EXOC6: variants seen among roughly 807,000 people sequenced by gnomAD.
EXOC6 encodes the protein exocyst complex component 6.
In EXOC6, 60 loss-of-function variants were observed where a neutral mutation model predicts 112.5. That is an observed-to-expected ratio of 0.53 (90% CI 0.43 to 0.66). The LOEUF is 0.66. Ranked by LOEUF, EXOC6 falls within the 30% of genes least tolerant of loss-of-function variation. The pLI is 0.00. For missense variants in EXOC6, 855 were observed against 957.1 expected (o/e 0.89, Z 1.41); for synonymous variants, 295 against 308.0 (o/e 0.96, Z 0.44).
intron 20 of EXOC6, among the ~76,000 whole-genome samples, chr10:93,034,060 T>A (rs1845396407): frequency 6.6e-6 from 1 of 152,218 alleles, no homozygotes; most frequent in Non-Finnish European, 1.5e-5. Flanking sequence ...CTATTTCAAC[T>A]ATATATATTA....
intron 13 of EXOC6, 87 bp downstream of exon 13, chr10:92,940,911 TATA>T (rs2133974002): frequency 3.5e-6 from 3 of 863,910 alleles, no homozygotes; most frequent in Non-Finnish European, 5.5e-6. Flanking sequence ...TAAAAATGCT[TATA>T]ATCATTTTTA....
In EXOC6 at chr10:92,893,540, T is replaced by C; in HGVS notation, c.273+20T>C. 6.3e-7 allele frequency: 1 copy of C among 1,584,668 alleles called. No individual in the cohort carries two copies. The highest frequency in any genetic ancestry group is 8.6e-7 in the Non-Finnish European group (1 of 1,165,424). On this transcript the variant is annotated intron_variant, in intron 2 of 21. Coordinates refer to ENST00000260762, the MANE Select transcript of EXOC6 (RefSeq NM_019053.6). ...CTGAAGGTAAGAAATATGTTAAAAT[T>C]ATTTGCCTTTGTTCTCATTAAATTA... is the stretch of plus-strand genomic sequence containing the variant.
intron 18 of EXOC6, among the ~76,000 whole-genome samples, chr10:92,985,446 A>G (rs1457395880): frequency 1.3e-5 from 2 of 151,034 alleles, no homozygotes; most frequent in African/African-American, 2.4e-5. Flanking sequence ...TCCCACATAC[A>G]CCTTCATTTT....
chr10:92,934,856 C>T (rs528624490), intron 11 of EXOC6, among the ~76,000 whole-genome samples: 7 of 151,918 alleles, frequency 4.6e-5, no homozygotes, highest in African/African-American at 1.4e-4. Flanking sequence ...TTAAAATTTG[C>T]GATTTTCAAA....
chr10:92,992,287 C>CAAAAAA (rs35924745), intron 18 of EXOC6, among the ~76,000 whole-genome samples: 1 of 74,212 alleles, frequency 1.3e-5, no homozygotes, highest in East Asian at 4.0e-4. Flanking sequence ...GACTCTGTCT[C>CAAAAAA]AAAAAAAAAA....
chr10:92,891,956 G>A (rs1306489042), intron 1 of EXOC6, among the ~76,000 whole-genome samples: 1 of 152,154 alleles, frequency 6.6e-6, no homozygotes, highest in Non-Finnish European at 1.5e-5. Flanking sequence ...AGTAATATAT[G>A]ATTACGTGTC....
upstream of EXOC6, among the ~76,000 whole-genome samples, chr10:92,845,710 G>A (rs957929139): frequency 3.3e-5 from 5 of 151,714 alleles, no homozygotes; most frequent in Non-Finnish European, 7.4e-5. Flanking sequence ...AGGCCGAGGC[G>A]GGCAGATCAC....
intron 18 of EXOC6, among the ~76,000 whole-genome samples, chr10:92,978,511 T>C (rs1230132074): frequency 6.6e-6 from 1 of 152,174 alleles, no homozygotes; most frequent in Non-Finnish European, 1.5e-5. Context: ...TTATTGACTA[T>C]GGTAAATTTT....
intron 19 of EXOC6, among the ~76,000 whole-genome samples, chr10:93,012,850 G>A (rs1486386495): frequency 1.3e-5 from 2 of 151,874 alleles, no homozygotes; most frequent in African/African-American, 4.8e-5. Flanking sequence ...GTGCCACATA[G>A]CAATACCCTA....
chr10:92,896,954 C>A (rs1365930480), intron 4 of EXOC6, among the ~76,000 whole-genome samples: 2 of 152,074 alleles, frequency 1.3e-5, no homozygotes, highest in Non-Finnish European at 2.9e-5. Context: ...TACGTAAAAA[C>A]TTTGAGTAAA....
At chr10:92,916,971 T>C (rs955240891) in intron 7 of EXOC6, among the ~76,000 whole-genome samples, 1 of 151,752 alleles carries the variant, frequency 6.6e-6, no homozygotes, top group Non-Finnish European at 1.5e-5. Flanking sequence ...TTCTTTCTTT[T>C]TTTTTTTTTT....
chr10:92,887,905 CA>C (rs1208956355), intron 1 of EXOC6, among the ~76,000 whole-genome samples: 1 of 152,086 alleles, frequency 6.6e-6, no homozygotes, highest in Non-Finnish European at 1.5e-5. Flanking sequence ...AACTTTTATT[CA>C]CCTTGATGAC....
chr10:92,937,781 G>A (rs1437949216), intron 12 of EXOC6, among the ~76,000 whole-genome samples: 2 of 152,102 alleles, frequency 1.3e-5, no homozygotes, highest in African/African-American at 4.8e-5. Context: ...TGTGATTTTT[G>A]CCATGGAGAG....
chr10:92,915,584 TTTTA>T (rs1209304723), intron 6 of EXOC6, among the ~76,000 whole-genome samples, 170 bp from the exon 7 acceptor site: 1 of 147,752 alleles, frequency 6.8e-6, no homozygotes, highest in Non-Finnish European at 1.5e-5. Context: ...TTTTTTTTTT[TTTTA>T]AAAAAAGGAA....
intron 1 of EXOC6, among the ~76,000 whole-genome samples, chr10:92,851,598 C>T (rs1258830350): frequency 1.3e-5 from 2 of 151,476 alleles, no homozygotes; most frequent in South Asian, 4.2e-4. Flanking sequence ...TGCAGTGAGC[C>T]GAGATTATGC....
chr10:92,830,801 T>C (rs774643958), upstream of EXOC6, among the ~76,000 whole-genome samples: 1 of 152,174 alleles, frequency 6.6e-6, no homozygotes, highest in Admixed American at 6.5e-5. Flanking sequence ...TCCTAGGAAG[T>C]AGTCAAAGAG....
intron 18 of EXOC6, among the ~76,000 whole-genome samples, chr10:92,978,806 T>C (rs1332563599): frequency 1.3e-5 from 2 of 152,186 alleles, no homozygotes; most frequent in African/African-American, 4.8e-5. Context: ...ACGAAGCTTA[T>C]CACATTTAAC....
intron 5 of EXOC6, 63 bp from the exon 6 acceptor site, chr10:92,909,364 T>C: frequency 8.3e-7 from 1 of 1,207,130 alleles, no homozygotes; most frequent in Non-Finnish European, 1.2e-6. Context: ...ATTATTTAGA[T>C]TTACTTGTAA....
At chr10:92,996,422 C>G (rs903435369) in intron 18 of EXOC6, among the ~76,000 whole-genome samples, 1 of 152,096 alleles carries the variant, frequency 6.6e-6, no homozygotes, top group Non-Finnish European at 1.5e-5. Context: ...TCGAGACCAT[C>G]CTGGCTAACA....
Sources: allele counts gnomAD v4.1 joint callset (sites outside exome capture counted in the v4.1 genomes callset), GRCh38; gene constraint gnomAD v4.1.1; transcripts MANE v1.5; gene names NCBI Gene and HGNC (gene_info 2026-07-23, HGNC 2026-07-21).